Variants in TCEA1 observed in about 807,000 individuals in gnomAD.
TCEA1 encodes transcription elongation factor A1, also known as transcription elongation factor A protein 1.
TCEA1 carries 21 observed loss-of-function variants against 43.8 expected under a neutral mutation model. That is an observed-to-expected ratio of 0.48 (90% CI 0.34 to 0.69). The LOEUF is 0.69. Ranked by LOEUF, TCEA1 falls within the 30% of genes least tolerant of loss-of-function variation. The pLI, the probability that TCEA1 is intolerant of heterozygous loss-of-function variation, is 0.01. For synonymous variants in TCEA1, 104 were observed against 117.5 expected, an observed-to-expected ratio of 0.88 and a Z score of 0.75; for missense variants, 250 against 365.1, an observed-to-expected ratio of 0.68 and a Z score of 2.57.
intron 8 of TCEA1, chr8:53,973,620 TACA>T (rs1400983528): frequency 5.3e-6 from 3 of 567,426 alleles, no homozygotes; most frequent in East Asian, 4.4e-5. Flanking sequence ...ACACTTCAAT[TACA>T]ACAAGATTGT....
At chr8:53,977,662 T>TA (rs1481793619) in intron 8 of TCEA1, among the ~76,000 whole-genome samples, 1 of 151,960 alleles carries the variant, frequency 6.6e-6, no homozygotes, top group African/African-American at 2.4e-5. Flanking sequence ...TTACAGCAGA[T>TA]AACATAGCAC....
intron 1 of TCEA1, chr8:54,021,524 A>G (rs913799517): frequency 6.6e-6 from 1 of 152,038 alleles, no homozygotes; most frequent in Non-Finnish European, 1.5e-5. Context: ...GGCACACTTT[A>G]CCTTTTTAAT....
chr8:54,008,122 C>T (rs1043456728), intron 2 of TCEA1, among the ~76,000 whole-genome samples: 4 of 140,934 alleles, frequency 2.8e-5, no homozygotes, highest in Non-Finnish European at 6.0e-5. Flanking sequence ...GCTGAGGTCG[C>T]ACGTCGTACC....
chr8:53,974,233 T>C (rs977213753), intron 8 of TCEA1: 4 of 153,816 alleles, frequency 2.6e-5, no homozygotes, highest in African/African-American at 9.7e-5. Flanking sequence ...TCTTTTTGAA[T>C]TGAAAACATC....
intron 8 of TCEA1, chr8:53,973,311 C>A (rs538624186): frequency 3.8e-6 from 2 of 524,150 alleles, no homozygotes; most frequent in South Asian, 3.3e-5. Flanking sequence ...AAGAGATGGT[C>A]AAGAACAAAT....
At chr8:53,984,650 G>A in intron 6 of TCEA1, 133 bp from the exon 7 acceptor site, 2 of 617,418 alleles carry the variant, frequency 3.2e-6, no homozygotes. Flanking sequence ...TTGGGAGGCT[G>A]AGGCTGGTGG....
intron 1 of TCEA1, among the ~76,000 whole-genome samples, chr8:54,018,930 G>A (rs1484772710): frequency 6.6e-6 from 1 of 152,192 alleles, no homozygotes; most frequent in Non-Finnish European, 1.5e-5. Context: ...TAGCTTTGGA[G>A]CAAAACAGAT....
intron 2 of TCEA1, among the ~76,000 whole-genome samples, chr8:54,004,337 CGCATA>C (rs2129310250): frequency 6.6e-6 from 1 of 152,280 alleles, no homozygotes; most frequent in South Asian, 2.1e-4. Context: ...TATATAAACA[CGCATA>C]GCAGTGTGAT....
chr8:53,973,372 G>A (rs538105387), intron 8 of TCEA1: 3 of 510,536 alleles, frequency 5.9e-6, no homozygotes, highest in Admixed American at 2.9e-5. Context: ...AAAGAAGAAA[G>A]AAAAAAAGAC....
At chr8:53,981,812 G>A (rs1803513140) in intron 7 of TCEA1, among the ~76,000 whole-genome samples, 1 of 151,622 alleles carries the variant, frequency 6.6e-6, no homozygotes, top group African/African-American at 2.4e-5. Context: ...GAGCGCAGTG[G>A]TGCAATCTCA....
At chr8:53,999,900 T>A in intron 3 of TCEA1, 45 bp downstream of exon 3, 4 of 1,278,316 alleles carry the variant, frequency 3.1e-6, no homozygotes, top group Non-Finnish European at 4.5e-6. Context: ...ACTATTTGAA[T>A]AAATCACAAC....
chr8:53,978,943 G>C, intron 8 of TCEA1, 82 bp downstream of exon 8: 2 of 1,444,720 alleles, frequency 1.4e-6, no homozygotes, highest in Admixed American at 4.4e-5. Flanking sequence ...TATCATACTG[G>C]TAATTATCTT....
intron 4 of TCEA1, among the ~76,000 whole-genome samples, chr8:53,991,449 C>G (rs562922929): frequency 1.4e-4 from 21 of 151,218 alleles, no homozygotes; most frequent in Non-Finnish European, 2.4e-4. Context: ...AATCCTAGCA[C>G]TTTGGGAGGC....
intron 4 of TCEA1, among the ~76,000 whole-genome samples, chr8:53,991,505 A>C (rs1355864859): frequency 6.6e-6 from 1 of 151,804 alleles, no homozygotes; most frequent in Admixed American, 6.6e-5. Flanking sequence ...GACCAGCCTG[A>C]TCAAAATGGA....
chr8:54,006,167 T>C (rs1804429380), intron 2 of TCEA1, among the ~76,000 whole-genome samples: 1 of 152,212 alleles, frequency 6.6e-6, no homozygotes. Context: ...CTACCCTCCT[T>C]CTTTCCCCCA....
At chr8:53,984,109 A>C (rs1304128097) in intron 7 of TCEA1, among the ~76,000 whole-genome samples, 1 of 152,264 alleles carries the variant, frequency 6.6e-6, no homozygotes, top group Non-Finnish European at 1.5e-5. Flanking sequence ...TCGAAAGAAA[A>C]AAAAGTAAAA....
At chr8:54,002,458 G>C (rs1273138345) in intron 2 of TCEA1, among the ~76,000 whole-genome samples, 1 of 144,452 alleles carries the variant, frequency 6.9e-6, no homozygotes, top group Non-Finnish European at 1.5e-5. Context: ...AACAGAACAA[G>C]ACTCCGTCTC....
chr8:53,972,452 T>A (rs558866390), intron 8 of TCEA1: 1 of 520,382 alleles, frequency 1.9e-6, no homozygotes, highest in East Asian at 5.3e-5. Flanking sequence ...GTTTTGGGCA[T>A]GCATGGAGAG....
At chr8:53,984,988 G>A (rs77692322) in intron 6 of TCEA1, among the ~76,000 whole-genome samples, 1,719 of 152,164 alleles carry the variant, frequency 0.011, 10 homozygotes, top group Non-Finnish European at 0.017. Context: ...GCTGTAATTG[G>A]CGAATAATAG....
Sources: gnomAD v4.1 joint callset for allele counts (sites outside exome capture counted in the v4.1 genomes callset) on GRCh38, gnomAD v4.1.1 for gene constraint, MANE v1.5 for transcripts, NCBI Gene and HGNC (gene_info 2026-07-23, HGNC 2026-07-21) for gene names.